ZNF766: variants seen among roughly 807,000 people sequenced by gnomAD.
ZNF766 encodes the protein zinc finger protein 766.
Under a neutral mutation model 13.2 loss-of-function variants are expected in ZNF766, and 13 were observed. The observed-to-expected ratio is 0.98, with a 90% CI of 0.64 to 1.56. ZNF766 has a LOEUF of 1.56. Among genes scored for constraint, ZNF766 ranks in the 40% most tolerant of loss-of-function variants. The probability of loss-of-function intolerance (pLI) is 0.00; values close to 1 mark genes in which losing one functional copy is unlikely to be tolerated. For synonymous variants in ZNF766, 178 were observed against 187.6 expected (o/e 0.95, Z 0.42); for missense variants, 521 against 552.2 (o/e 0.94, Z 0.57).
intron 3 of ZNF766, among the ~76,000 whole-genome samples, chr19:52,285,536 A>G (rs1048256414): frequency 2.0e-5 from 3 of 152,224 alleles, no homozygotes; most frequent in Admixed American, 6.5e-5. Context: ...GGATATTGCA[A>G]GGGTACAGAT....
At position 52,282,101 on chromosome 19, in the gene ZNF766, T is replaced by TTTGACCCTGTTGGTCAAATACA; in HGVS notation, c.19-8_19-7insGACCCTGTTGGTCAAATACATT. On this transcript the variant is annotated splice_polypyrimidine_tract_variant and intron_variant, in intron 1 of 3. Coordinates refer to ENST00000439461, the MANE Select transcript of ZNF766 (RefSeq NM_001010851.3). ...CTTACCCTGTTGGTCAAATACATCT[T>TTTGACCCTGTTGGTCAAATACA]TTATTTTAGGGACACTTGACATTCA... 1 of 1,595,346 alleles carries TTTGACCCTGTTGGTCAAATACA rather than the reference T, an allele frequency of 6.3e-7. No homozygotes were observed. The highest frequency in any genetic ancestry group is 1.7e-4 in the Middle Eastern group (1 of 5,932).
At chr19:52,273,777 A>T (rs974521132) in intron 1 of ZNF766, among the ~76,000 whole-genome samples, 8 of 152,190 alleles carry the variant, frequency 5.3e-5, no homozygotes, top group African/African-American at 1.9e-4. Context: ...AATCCTGGTA[A>T]CAAGACCCAA....
At chr19:52,289,236 T>A (rs1378577014) in intron 3 of ZNF766, among the ~76,000 whole-genome samples, 2 of 149,066 alleles carry the variant, frequency 1.3e-5, no homozygotes, top group African/African-American at 5.0e-5. Flanking sequence ...CTGCAACCTC[T>A]GCCTGCCGGG....
intron 1 of ZNF766, 141 bp from the exon 2 acceptor site, chr19:52,281,970 T>G: frequency 9.8e-7 from 1 of 1,018,108 alleles, no homozygotes; most frequent in Non-Finnish European, 1.5e-6. Context: ...CATAACTAGC[T>G]CAAAAATACC....
chr19:52,280,432 T>A (rs1981446621), intron 1 of ZNF766, among the ~76,000 whole-genome samples: 1 of 152,194 alleles, frequency 6.6e-6, no homozygotes. Flanking sequence ...CCTTATTTCA[T>A]CTGATGTGTA....
intron 1 of ZNF766, among the ~76,000 whole-genome samples, chr19:52,273,827 G>T (rs975281556): frequency 6.6e-6 from 1 of 152,304 alleles, no homozygotes; most frequent in South Asian, 2.1e-4. Flanking sequence ...TGCTGGGCTT[G>T]CCCCGTCTGA....
chr19:52,274,125 C>G (rs1568616071), intron 1 of ZNF766, among the ~76,000 whole-genome samples: 1 of 152,212 alleles, frequency 6.6e-6, no homozygotes, highest in Non-Finnish European at 1.5e-5. Flanking sequence ...CTGTCCCACT[C>G]TGTTTTGTCC....
At position 52,293,596 on chromosome 19, in the gene ZNF766, TTCTC is replaced by T. The variant is rs780051432; in HGVS notation, c.*2402_*2405del. 383 of 148,984 alleles carry T rather than the reference TTCTC, an allele frequency of 2.6e-3. 1 individual carries two copies. The highest frequency in any genetic ancestry group is 0.017 in the South Asian group (74 of 4,470). 9.2% of individuals were successfully genotyped at this position (148,984 alleles called of 1,614,324 possible). On this transcript the variant is annotated 3_prime_UTR_variant, in exon 4 of 4. Transcript: ENST00000439461. ...GTAATAATACTTAGTACTTAAGTTA[TTCTC>T]TCTACTCTTTGTTTTTGTTTTTTGT...
intron 1 of ZNF766, among the ~76,000 whole-genome samples, chr19:52,271,320 A>C (rs770221947): frequency 9.2e-5 from 14 of 152,180 alleles, no homozygotes; most frequent in Admixed American, 2.6e-4. Flanking sequence ...CCAGGTAGAT[A>C]CTATCAAAAT....
At chr19:52,289,985 A>C in intron 3 of ZNF766, 81 bp from the exon 4 acceptor site, 1 of 1,460,382 alleles carries the variant, frequency 6.8e-7, no homozygotes, top group Non-Finnish European at 9.2e-7. Context: ...TGGGTGGCAA[A>C]GCCAGACTCC....
rs10405899 is a variant in ZNF766 at position 52,283,446 on chromosome 19, A to G, written c.274+33A>G. The G allele has an allele frequency of 3.5e-3, 5,149 of 1,467,454 alleles. 161 individuals carry two copies. The African/African-American group carries it at 0.067, about 19-fold the overall frequency. 90.9% of individuals were successfully genotyped at this position (1,467,454 alleles called of 1,614,324 possible). A position where few individuals can be genotyped will look rare whatever the true frequency, so the allele number is the denominator to read the frequency against. ...CTCAGATGGACAGAGTGAAAGCCAC[A>G]CTTTTTTTTTTTTTTTTGAGACAGT... On this transcript the variant is annotated intron_variant, in intron 3 of 3. Coordinates refer to ENST00000439461, the MANE Select transcript of ZNF766 (RefSeq NM_001010851.3).
chr19:52,290,305 C>T lies in ZNF766; in HGVS notation c.514C>T (p.Pro172Ser), dbSNP rs267605630. 7 of 1,613,594 alleles carry T rather than the reference C, an allele frequency of 4.3e-6. No homozygotes were observed. The highest frequency in any genetic ancestry group is 1.7e-5 in the Admixed American group (1 of 59,968). ...ACATAGGAATGATTTTGTTGATTTT[C>T]CATTGCTGTCACAAGAACAGAAAGC... ...NKHRNDFVDFPLLSQEQKAHI... is the reference protein window; with the variant it reads ...NKHRNDFVDFSLLSQEQKAHI... The change falls in exon 4 of 4, where the codon CCA becomes TCA. Residue 172 changes from proline to serine, a missense_variant. Pro to Ser is a moderately conservative substitution (Grantham distance 74). Coordinates refer to ENST00000439461, the MANE Select transcript of ZNF766 (RefSeq NM_001010851.3).
intron 2 of ZNF766, 148 bp from the exon 3 acceptor site, chr19:52,283,137 C>G: frequency 1.1e-6 from 1 of 884,242 alleles, no homozygotes; most frequent in Non-Finnish European, 1.6e-6. Context: ...CACAGTGTCT[C>G]CAGCATCTGT....
In ZNF766 at chr19:52,293,290, A is replaced by C. The variant is rs1479645276; in HGVS notation, c.*2092A>C. 2 of 145,844 alleles carry C rather than the reference A, an allele frequency of 1.4e-5. No homozygotes were observed. Among genetic ancestry groups the C allele is most frequent in the East Asian group, 4.1e-4 (2 of 4,874 alleles). 9.0% of individuals were successfully genotyped at this position (145,844 alleles called of 1,614,324 possible). A position where few individuals can be genotyped will look rare whatever the true frequency, so the allele number is the denominator to read the frequency against. On this transcript the variant is annotated 3_prime_UTR_variant, in exon 4 of 4. Transcript: ENST00000439461. ...CCGGGTTCAAGTGATTCTCCTGTCTACACCTCCCAAGTAGCTGGATTACAG... is the reference window on the plus strand; with the variant it reads ...CCGGGTTCAAGTGATTCTCCTGTCTCCACCTCCCAAGTAGCTGGATTACAG...
Position 52,269,590 on chromosome 19 carries a change from C to T in ZNF766, c.-24C>T, listed in dbSNP as rs1415377139. On this transcript the variant is annotated 5_prime_UTR_variant, in exon 1 of 4. Coordinates refer to ENST00000439461, the MANE Select transcript of ZNF766 (RefSeq NM_001010851.3). ...CCGTTCGCGCGCAGCCGCCTGCAGACCCGGAAGTGGATGGCGTGGAGATAT... is the reference window on the plus strand; with the variant it reads ...CCGTTCGCGCGCAGCCGCCTGCAGATCCGGAAGTGGATGGCGTGGAGATAT... 1.2e-6 allele frequency: 2 copies of T among 1,611,748 alleles called. No homozygotes were observed. Among genetic ancestry groups the T allele is most frequent in the Non-Finnish European group, 1.7e-6 (2 of 1,179,534 alleles).
At chr19:52,271,453 C>T (rs1448988536) in intron 1 of ZNF766, among the ~76,000 whole-genome samples, 4 of 152,018 alleles carry the variant, frequency 2.6e-5, no homozygotes, top group African/African-American at 7.3e-5. Context: ...GCCCACCCAC[C>T]TGTCTCAGGG....
At chr19:52,271,708 C>T (rs547409319) in intron 1 of ZNF766, among the ~76,000 whole-genome samples, 17 of 152,294 alleles carry the variant, frequency 1.1e-4, no homozygotes, top group Non-Finnish European at 1.8e-4. Context: ...GCCTGTAATC[C>T]CAGCACTTTG....
intron 2 of ZNF766, 92 bp from the exon 3 acceptor site, chr19:52,283,193 G>A: frequency 6.8e-7 from 1 of 1,478,252 alleles, no homozygotes; most frequent in Non-Finnish European, 9.1e-7. Flanking sequence ...GGCTTTAAAG[G>A]ATTAATTTTT....
At chr19:52,286,346 G>T (rs1325188256) in intron 3 of ZNF766, among the ~76,000 whole-genome samples, 1 of 148,848 alleles carries the variant, frequency 6.7e-6, no homozygotes, top group Non-Finnish European at 1.5e-5. Flanking sequence ...TCTTTTGGGG[G>T]AGTGTCTCAT....
Sources: gnomAD v4.1 joint callset for allele counts (sites outside exome capture counted in the v4.1 genomes callset) on GRCh38, gnomAD v4.1.1 for gene constraint, MANE v1.5 for transcripts, NCBI Gene and HGNC (gene_info 2026-07-23, HGNC 2026-07-21) for gene names.